Variants in GRK3 observed in about 807,000 individuals in gnomAD.
The protein encoded by GRK3 is adrenergic, beta, receptor kinase 2.
Under a neutral mutation model 95.7 loss-of-function variants are expected in GRK3, and 54 were observed. The observed-to-expected ratio is 0.56, with a 90% CI of 0.45 to 0.71. GRK3 has a LOEUF of 0.71. Ranked by LOEUF, GRK3 falls within the 30% of genes least tolerant of loss-of-function variation. GRK3 has a pLI of 0.00. For synonymous variants in GRK3, 281 were observed against 290.8 expected (o/e 0.97, Z 0.34); for missense variants, 649 against 851.2 (o/e 0.76, Z 2.96).
Position 25,665,689 on chromosome 22 carries a change from G to A in GRK3, c.441+1985G>A, listed in dbSNP as rs192329585. ...AAGGAGTATATTAATGCAATTCTATGTATTATGTACCATCAGAGCATAATG... is the reference window on the plus strand; with the variant it reads ...AAGGAGTATATTAATGCAATTCTATATATTATGTACCATCAGAGCATAATG... On this transcript the variant is annotated intron_variant, in intron 5 of 20. Coordinates refer to ENST00000324198, the MANE Select transcript of GRK3 (RefSeq NM_005160.4). 6.0e-3 allele frequency among the ~76,000 whole-genome samples: 858 copies of A among 142,416 alleles called. 9 individuals are homozygous for A. Among genetic ancestry groups the A allele is most frequent in the African/African-American group, 0.019 (771 of 40,860 alleles). 93.4% of individuals were successfully genotyped at this position (142,416 alleles called of 152,430 possible).
chr22:25,630,152 T>G (rs2084654692), intron 2 of GRK3, among the ~76,000 whole-genome samples: 1 of 152,214 alleles, frequency 6.6e-6, no homozygotes, highest in Non-Finnish European at 1.5e-5. Flanking sequence ...CTCATGTGTA[T>G]CGATTGGTTG....
intron 4 of GRK3, among the ~76,000 whole-genome samples, 170 bp downstream of exon 4, chr22:25,661,847 T>C (rs1158703505): frequency 6.6e-6 from 1 of 152,214 alleles, no homozygotes; most frequent in South Asian, 2.1e-4. Flanking sequence ...ATTACCACGA[T>C]GTGTGTTGCT....
At chr22:25,707,388 G>A (rs776531281) in intron 15 of GRK3, among the ~76,000 whole-genome samples, 5 of 152,202 alleles carry the variant, frequency 3.3e-5, no homozygotes, top group Non-Finnish European at 7.3e-5. Flanking sequence ...GCTCTGACTT[G>A]GATCCCATTC....
chr22:25,571,455 A>C (rs142341328), intron 1 of GRK3, among the ~76,000 whole-genome samples: 291 of 152,352 alleles, frequency 1.9e-3, no homozygotes, highest in African/African-American at 6.5e-3. Context: ...GGAAACATTA[A>C]AAATTACCCA....
chr22:25,569,260 G>A (rs73879506), intron 1 of GRK3, among the ~76,000 whole-genome samples: 333 of 152,242 alleles, frequency 2.2e-3, no homozygotes, highest in African/African-American at 7.7e-3. Context: ...TTTTCATTAA[G>A]GTACAAATTC....
chr22:25,698,375 C>T (rs187856199), intron 13 of GRK3, among the ~76,000 whole-genome samples: 14 of 152,208 alleles, frequency 9.2e-5, no homozygotes, highest in South Asian at 2.1e-4. Context: ...ATATACACAC[C>T]GGATCAGGAG....
intron 1 of GRK3, among the ~76,000 whole-genome samples, chr22:25,601,027 CAG>C (rs2084405992): frequency 6.6e-6 from 1 of 152,072 alleles, no homozygotes; most frequent in African/African-American, 2.4e-5. Context: ...AAAACAAAAA[CAG>C]AATTGAAAAG....
chr22:25,722,291 T>C lies in GRK3; in HGVS notation c.1908T>C (p.Ser636=). Residue 636 remains serine, a splice_region_variant and synonymous_variant, in exon 21 of 21, where the codon AGT becomes AGC. Coordinates refer to ENST00000324198, the MANE Select transcript of GRK3 (RefSeq NM_005160.4). ...GCTGCCTTTGTATTCCCCCTCAGAG[T>C]GATCCAGAGTTTGTGCAGTGGAAGA... ...GGKQFVLQCE[S]DPEFVQWKKE... 1 of 1,613,914 alleles carries C rather than the reference T, an allele frequency of 6.2e-7. No homozygotes were observed. The highest frequency in any genetic ancestry group is 8.5e-7 in the Non-Finnish European group (1 of 1,179,900).
At position 25,678,806 on chromosome 22, in the gene GRK3, A is replaced by G. The variant is rs201479633; in HGVS notation, c.648-10A>G. On this transcript the variant is annotated splice_polypyrimidine_tract_variant and intron_variant, in intron 8 of 20. Transcript: ENST00000324198. ...ACGGCATAGATTTTTCAATAAATTT[A>G]TGTTTCTAGGTATGCAATGAAATGC... The G allele has an allele frequency of 1.4e-3, 2,039 of 1,494,386 alleles. 37 individuals are homozygous for G. In the South Asian group the frequency reaches 0.023, roughly 16 times the overall value. The allele number at this position is 1,494,386 out of a possible 1,614,324, so 92.6% of individuals were successfully genotyped here. A position where few individuals can be genotyped will look rare whatever the true frequency, so the allele number is the denominator to read the frequency against.
chr22:25,648,522 C>G, intron 3 of GRK3: 1 of 1,456,050 alleles, frequency 6.9e-7, no homozygotes, highest in Admixed American at 1.7e-5. Context: ...AATCAAAACA[C>G]TAAAACCAGG....
chr22:25,579,662 C>T (rs1445483196), intron 1 of GRK3, among the ~76,000 whole-genome samples: 6 of 151,760 alleles, frequency 4.0e-5, no homozygotes, highest in Non-Finnish European at 8.8e-5. Context: ...TTAGTAGAGA[C>T]GTGGTTTCAC....
intron 1 of GRK3, among the ~76,000 whole-genome samples, chr22:25,587,499 G>C (rs1007467956): frequency 6.6e-6 from 1 of 152,118 alleles, no homozygotes; most frequent in African/African-American, 2.4e-5. Flanking sequence ...CGCGATCTTG[G>C]CTCACTGCAA....
chr22:25,682,309 A>G (rs938251684), intron 9 of GRK3, among the ~76,000 whole-genome samples: 2 of 152,192 alleles, frequency 1.3e-5, no homozygotes, highest in African/African-American at 4.8e-5. Flanking sequence ...AGGAAGGGGC[A>G]TGGTCCATAT....
At chr22:25,602,450 C>T (rs1317977601) in intron 1 of GRK3, among the ~76,000 whole-genome samples, 1 of 152,110 alleles carries the variant, frequency 6.6e-6, no homozygotes, top group South Asian at 2.1e-4. Flanking sequence ...TTCCATATGA[C>T]CAACAATTTC....
chr22:25,654,073 T>C (rs1193902713), intron 3 of GRK3, among the ~76,000 whole-genome samples: 1 of 152,228 alleles, frequency 6.6e-6, no homozygotes, highest in Non-Finnish European at 1.5e-5. Flanking sequence ...ATGATTGAAA[T>C]TGCTTAGAGC....
At chr22:25,678,938 T>G in intron 9 of GRK3, 23 bp downstream of exon 9, 3 of 1,431,040 alleles carry the variant, frequency 2.1e-6, no homozygotes, top group Non-Finnish European at 2.9e-6. Context: ...TTTCCAGCAT[T>G]TCTTTTAAAA....
At chr22:25,582,796 T>G (rs2146320212) in intron 1 of GRK3, among the ~76,000 whole-genome samples, 1 of 151,956 alleles carries the variant, frequency 6.6e-6, no homozygotes, top group South Asian at 2.1e-4. Context: ...AAAAATAAAT[T>G]CCAGGGTATT....
At chr22:25,675,270 G>A (rs534183419) in intron 8 of GRK3, among the ~76,000 whole-genome samples, 2 of 152,182 alleles carry the variant, frequency 1.3e-5, no homozygotes, top group Non-Finnish European at 1.5e-5. Context: ...ATGCTGGTTC[G>A]CTAGATCAGT....
chr22:25,712,502 A>C (rs534728008), intron 17 of GRK3, among the ~76,000 whole-genome samples: 2 of 152,396 alleles, frequency 1.3e-5, no homozygotes, highest in East Asian at 3.8e-4. Flanking sequence ...CAGAGTACTA[A>C]AAATAAAACA....
Sources: allele counts gnomAD v4.1 joint callset (sites outside exome capture counted in the v4.1 genomes callset), GRCh38; gene constraint gnomAD v4.1.1; transcripts MANE v1.5; gene names NCBI Gene and HGNC (gene_info 2026-07-23, HGNC 2026-07-21).